The following ABCB9 variants were observed in gnomAD, a reference collection of about 807,000 sequenced individuals.
ABCB9 encodes ABC-type oligopeptide transporter ABCB9.
ABCB9 carries 36 observed loss-of-function variants against 62.0 expected under a neutral mutation model. That is an observed-to-expected ratio of 0.58 (90% confidence interval 0.45 to 0.77). ABCB9 has a LOEUF of 0.77. Ranked by LOEUF, ABCB9 falls within the 30% of genes least tolerant of loss-of-function variation. The probability of loss-of-function intolerance (pLI) is 0.00; values close to 1 mark genes in which losing one functional copy is unlikely to be tolerated. For synonymous variants in ABCB9, 435 were observed against 461.4 expected (o/e 0.94, Z 0.73); for missense variants, 943 against 1,054.7 (o/e 0.89, Z 1.47).
upstream of ABCB9, among the ~76,000 whole-genome samples, chr12:122,971,465 A>AT (rs1479252615): frequency 1.3e-5 from 2 of 151,460 alleles, no homozygotes; most frequent in Non-Finnish European, 2.9e-5. Flanking sequence ...ATTTTTAATG[A>AT]TTTTTTTGAG....
upstream of ABCB9, among the ~76,000 whole-genome samples, chr12:122,969,912 G>A (rs572418505): frequency 1.3e-5 from 2 of 152,256 alleles, no homozygotes; most frequent in South Asian, 4.1e-4. Flanking sequence ...CATTGCTGCT[G>A]GGAATGCAAA....
Position 122,940,029 on chromosome 12 carries a change from C to A in ABCB9, c.1743+82G>T. On this transcript the variant is annotated intron_variant, in intron 9 of 11. Coordinates refer to ENST00000280560, the MANE Select transcript of ABCB9 (RefSeq NM_019625.4). The surrounding 1 kb of genome is among the most constrained non-coding windows in gnomAD (Gnocchi z 4.8). ...ACTGTCCATTTATCTCTAGTGCCCTCTTCCGCACCTGTTACAGCTCACAAG... is the reference window on the plus strand; with the variant it reads ...ACTGTCCATTTATCTCTAGTGCCCTATTCCGCACCTGTTACAGCTCACAAG... The A allele has an allele frequency of 6.6e-7, 1 of 1,508,220 alleles. No individual in the cohort carries two copies. The highest frequency in any genetic ancestry group is 1.2e-5 in the South Asian group (1 of 80,352). The allele number at this position is 1,508,220 out of a possible 1,614,324, so 93.4% of individuals were successfully genotyped here. A position where few individuals can be genotyped will look rare whatever the true frequency, so the allele number is the denominator to read the frequency against.
intron 7 of ABCB9, 49 bp from the exon 8 acceptor site, chr12:122,941,044 G>T (rs1221261066): frequency 1.3e-6 from 2 of 1,515,216 alleles, no homozygotes; most frequent in East Asian, 2.4e-5. Flanking sequence ...CCGACTCCTG[G>T]GACCCACCCC....
At chr12:122,954,896 G>T (rs191734925) in intron 2 of ABCB9, among the ~76,000 whole-genome samples, 1 of 152,326 alleles carries the variant, frequency 6.6e-6, no homozygotes, top group African/African-American at 2.4e-5. Flanking sequence ...TTAAGATTCT[G>T]AGGGTACAGA....
intron 2 of ABCB9, among the ~76,000 whole-genome samples, chr12:122,958,777 A>C (rs2036742645): frequency 1.3e-5 from 2 of 152,008 alleles, no homozygotes; most frequent in African/African-American, 2.4e-5. Context: ...GGGAGGTTGA[A>C]GCTGCCGTAA....
Position 122,929,556 on chromosome 12 carries a change from C to T in ABCB9, c.*355G>A, listed in dbSNP as rs960312368. On this transcript the variant is annotated 3_prime_UTR_variant, in exon 12 of 12. Transcript: ENST00000280560. This position sits in a 1 kb window ranked among gnomAD's most constrained non-coding sequence, Gnocchi z 6.0. ...TCTAGAACATCTTGGTGAAAGTGCC[C>T]GCCATTACTCCCAATTAGAAAAAGG... The T allele has an allele frequency of 4.7e-6, 5 of 1,058,512 alleles. No homozygotes were observed. The highest frequency in any genetic ancestry group is 3.3e-5 in the African/African-American group (2 of 59,968). 65.6% of individuals were successfully genotyped at this position (1,058,512 alleles called of 1,614,324 possible).
At chr12:122,961,325 C>A (rs1445891193) in intron 1 of ABCB9, among the ~76,000 whole-genome samples, 1 of 152,062 alleles carries the variant, frequency 6.6e-6, no homozygotes, top group East Asian at 1.9e-4. Flanking sequence ...GTAGCTGGGA[C>A]TACAGGTACC....
intron 2 of ABCB9, among the ~76,000 whole-genome samples, chr12:122,953,731 A>C (rs965950678): frequency 3.9e-5 from 6 of 152,098 alleles, no homozygotes; most frequent in Non-Finnish European, 7.4e-5. Context: ...CATGTTGCCC[A>C]GGCTGGTCTT....
chr12:122,936,852 TGAGATCGTG>T (rs1407618749), intron 9 of ABCB9, among the ~76,000 whole-genome samples: 2 of 149,212 alleles, frequency 1.3e-5, no homozygotes, highest in Non-Finnish European at 3.0e-5. Context: ...TGTGGTGAGC[TGAGATCGTG>T]CCATTGTACT....
At chr12:122,951,163 T>C (rs571338481) in intron 2 of ABCB9, among the ~76,000 whole-genome samples, 1 of 152,178 alleles carries the variant, frequency 6.6e-6, no homozygotes, top group South Asian at 2.1e-4. Context: ...TTCATTCCCT[T>C]TGGAGCAGGC....
chr12:122,925,222 T>C (rs1261550011), downstream of ABCB9, among the ~76,000 whole-genome samples: 1 of 152,088 alleles, frequency 6.6e-6, no homozygotes, highest in Non-Finnish European at 1.5e-5. Flanking sequence ...TTCCCGGCCC[T>C]GGATGGTGAT....
intron 7 of ABCB9, among the ~76,000 whole-genome samples, chr12:122,942,783 G>A (rs1394594327): frequency 6.6e-6 from 1 of 152,162 alleles, no homozygotes; most frequent in Non-Finnish European, 1.5e-5. Context: ...CAGCCTGGGT[G>A]ACAATGTGAG....
chr12:122,941,199 T>C (rs2035746798), intron 7 of ABCB9, among the ~76,000 whole-genome samples: 1 of 151,910 alleles, frequency 6.6e-6, no homozygotes, highest in Admixed American at 6.6e-5. Flanking sequence ...CTACCGGCCA[T>C]CCAGCTGAGT....
exon 1 of ABCB9, chr12:122,975,097 T>C (rs918102908): frequency 1.0e-5 from 5 of 498,652 alleles, no homozygotes; most frequent in Non-Finnish European, 1.8e-5. Flanking sequence ...GGAGCATCTT[T>C]CTCCGCAGAC....
In ABCB9 at chr12:122,932,458, T is replaced by TA; in HGVS notation, c.1904-131_1904-130insT. The TA allele has an allele frequency of 8.0e-7, 1 of 1,252,238 alleles. No individual in the cohort carries two copies. Among genetic ancestry groups the TA allele is most frequent in the East Asian group, 2.6e-5 (1 of 38,918 alleles). The allele number at this position is 1,252,238 out of a possible 1,614,324, so 77.6% of individuals were successfully genotyped here. A position where few individuals can be genotyped will look rare whatever the true frequency, so the allele number is the denominator to read the frequency against. On this transcript the variant is annotated intron_variant, in intron 10 of 11. Transcript: ENST00000280560. The surrounding 1 kb of genome is among the most constrained non-coding windows in gnomAD (Gnocchi z 4.7). ...ACCCACAACTTGAAAGCTCATGAAA[T>TA]GATGTTCCCCCCACCCAACTCATAA...
upstream of ABCB9, among the ~76,000 whole-genome samples, chr12:122,968,079 A>C (rs2037226103): frequency 6.6e-6 from 1 of 152,242 alleles, no homozygotes; most frequent in African/African-American, 2.4e-5. Flanking sequence ...CCAGAAAAAA[A>C]AAAATAGAAG....
chr12:122,919,745 G>C (rs1176264526), downstream of ABCB9, among the ~76,000 whole-genome samples: 1 of 152,068 alleles, frequency 6.6e-6, no homozygotes, highest in Non-Finnish European at 1.5e-5. Context: ...CTGGTAGACG[G>C]AGGTTCTCAA....
intron 2 of ABCB9, chr12:122,952,741 T>C (rs1470617255): frequency 6.6e-6 from 1 of 152,212 alleles, no homozygotes; most frequent in Non-Finnish European, 1.5e-5. Context: ...CGGCAAACTC[T>C]CTTGCTGAAT....
Position 122,940,425 on chromosome 12 carries a change from C to A in ABCB9, c.1570-141G>T. On this transcript the variant is annotated intron_variant, in intron 8 of 11. Coordinates refer to ENST00000280560, the MANE Select transcript of ABCB9 (RefSeq NM_019625.4). The surrounding 1 kb of genome is among the most constrained non-coding windows in gnomAD (Gnocchi z 4.8). ...CGCTTGGGCACTGCTGGCCCCTAAA[C>A]GTTCTTTCTAAGACACTAGGACTTG... 1.0e-6 allele frequency: 1 copy of A among 995,228 alleles called. No individual in the cohort carries two copies. The allele number at this position is 995,228 out of a possible 1,614,324, so 61.6% of individuals were successfully genotyped here. A position where few individuals can be genotyped will look rare whatever the true frequency, so the allele number is the denominator to read the frequency against.
Sources: gnomAD v4.1 joint callset for allele counts (sites outside exome capture counted in the v4.1 genomes callset) on GRCh38, gnomAD v4.1.1 for gene constraint, Gnocchi (gnomAD v3.1) non-coding constraint, MANE v1.5 for transcripts, NCBI Gene and HGNC (gene_info 2026-07-23, HGNC 2026-07-21) for gene names.